Variants in SLC14A2 observed in about 807,000 individuals in gnomAD.
The protein encoded by SLC14A2 is urea transporter 2.
In SLC14A2, 91 loss-of-function variants were observed where a neutral mutation model predicts 104.6. The observed-to-expected ratio is 0.87, with a 90% CI of 0.73 to 1.04. The LOEUF (loss-of-function observed/expected upper bound fraction) is 1.04. Among genes scored for constraint, SLC14A2 ranks in the 50% least tolerant of loss-of-function variants. The probability of loss-of-function intolerance (pLI) is 0.00; values close to 1 mark genes in which losing one functional copy is unlikely to be tolerated. For missense variants in SLC14A2, 1,189 were observed against 1,156.0 expected (o/e 1.03, Z -0.41); for synonymous variants, 476 against 466.4 (o/e 1.02, Z -0.27).
chr18:45,213,181 C>T (rs2083976618), exon 1 of SLC14A2: 1 of 152,152 alleles, frequency 6.6e-6, no homozygotes, highest in South Asian at 2.1e-4. Flanking sequence ...GCCAACAGGA[C>T]CTGAATGACC....
At chr18:45,535,318 C>A (rs2043763238) in intron 2 of SLC14A2, among the ~76,000 whole-genome samples, 1 of 152,122 alleles carries the variant, frequency 6.6e-6, no homozygotes, top group African/African-American at 2.4e-5. Context: ...CTGAATGTGA[C>A]AAATAGAAAG....
rs146735623 is a variant in SLC14A2 at position 45,376,816 on chromosome 18, T to G, written c.-124-106417T>G. Among the ~76,000 whole-genome samples the G allele has an allele frequency of 1.2e-4, 18 of 152,348 alleles. No individual in the cohort carries two copies. In the East Asian group the frequency reaches 3.5e-3, roughly 29 times the overall value. On this transcript the variant is annotated intron_variant, in intron 1 of 20. Coordinates refer to the SLC14A2 transcript ENST00000586448. ...TGGAGCTGCAGATCTTGATTTCTGA[T>G]GGTTGATTCAATGGATACTTTATAA...
Position 45,375,607 on chromosome 18 carries a change from C to T in SLC14A2, c.-124-107626C>T, listed in dbSNP as rs200439244. On this transcript the variant is annotated intron_variant, in intron 1 of 20. Transcript: ENST00000586448. ...ATAAAACTCTGGTCTCCTGCACGGC[C>T]GGCTCTGCATGAATTATTCTTTCTC... Among the ~76,000 whole-genome samples the T allele has an allele frequency of 3.9e-5, 6 of 152,274 alleles. No homozygotes were observed. The East Asian group carries it at 9.7e-4, about 24-fold the overall frequency.
chr18:45,625,818 G>A lies in SLC14A2; in HGVS notation c.286G>A (p.Gly96Ser). 6.6e-7 allele frequency: 1 copy of A among 1,516,492 alleles called. No individual in the cohort carries two copies. Among genetic ancestry groups the A allele is most frequent in the South Asian group, 1.3e-5 (1 of 75,182 alleles). 93.9% of individuals were successfully genotyped at this position (1,516,492 alleles called of 1,614,324 possible). A position where few individuals can be genotyped will look rare whatever the true frequency, so the allele number is the denominator to read the frequency against. Residue 96 changes from glycine to serine, a missense_variant, in exon 3 of 20, where the codon GGC becomes AGC. Physicochemically the swap from Gly to Ser is moderately conservative, Grantham distance 56. Coordinates refer to ENST00000255226, the MANE Select transcript of SLC14A2 (RefSeq NM_007163.4). Reference protein sequence around the residue: ...QRCICLSKAVGYLTGDMKEYR... With the variant: ...QRCICLSKAVSYLTGDMKEYR... Reference sequence around the variant, plus strand: ...GTGCATCTGCCTCTCCAAAGCAGTGGGCTACCTCACGGGCGACATGAAGGA... The same window carrying A: ...GTGCATCTGCCTCTCCAAAGCAGTGAGCTACCTCACGGGCGACATGAAGGA...
In SLC14A2 at chr18:45,506,062, C is replaced by A. The variant is rs558064047; in HGVS notation, c.-35+22740C>A. Among the ~76,000 whole-genome samples the A allele has an allele frequency of 2.6e-5, 4 of 152,298 alleles. No individual in the cohort carries two copies. In the East Asian group the frequency reaches 7.7e-4, roughly 29 times the overall value. On this transcript the variant is annotated intron_variant, in intron 2 of 20. Coordinates refer to the SLC14A2 transcript ENST00000586448. ...TGCAAAGTGTCTGCTAGCCTCCCAG[C>A]AGGAGATTCTGCTTCCAGCTTCAAG...
At chr18:45,399,398 C>T (rs751198697) in intron 1 of SLC14A2, among the ~76,000 whole-genome samples, 1 of 152,142 alleles carries the variant, frequency 6.6e-6, no homozygotes, top group Non-Finnish European at 1.5e-5. Context: ...CCCTTGAAGC[C>T]ACTGCCACAC....
chr18:45,682,206 A>G, intron 19 of SLC14A2, 113 bp from the exon 20 acceptor site: 1 of 860,200 alleles, frequency 1.2e-6, no homozygotes, highest in South Asian at 1.4e-5. Flanking sequence ...TGAAGTATCA[A>G]TGCCCTCAAA....
At chr18:45,678,837 A>G (rs1332463861) in intron 18 of SLC14A2, 138 bp from the exon 19 acceptor site, 4 of 748,646 alleles carry the variant, frequency 5.3e-6, no homozygotes, top group Non-Finnish European at 8.3e-6. Context: ...AGCAATGGAA[A>G]CATAACTCAA....
intron 1 of SLC14A2, among the ~76,000 whole-genome samples, chr18:45,436,877 T>C (rs2032719): frequency 0.52 from 78,359 of 151,706 alleles, 20,700 homozygotes; most frequent in Admixed American, 0.66. Flanking sequence ...CATCAAAAGG[T>C]GGGTGCAAGG....
intron 1 of SLC14A2, among the ~76,000 whole-genome samples, chr18:45,418,255 G>A (rs1365874016): frequency 6.6e-6 from 1 of 152,184 alleles, no homozygotes; most frequent in African/African-American, 2.4e-5. Context: ...CACAAGCTTG[G>A]AGGGAGACGA....
chr18:45,205,214 G>C, the SLC14A2 span, among the ~76,000 whole-genome samples: 1 of 152,098 alleles, frequency 6.6e-6, no homozygotes, highest in Non-Finnish European at 1.5e-5. Flanking sequence ...ACAGGGCCAG[G>C]GATTAGTATC....
intron 10 of SLC14A2, among the ~76,000 whole-genome samples, chr18:45,655,010 G>C (rs1233254398): frequency 1.3e-5 from 2 of 152,192 alleles, no homozygotes; most frequent in Admixed American, 1.3e-4. Context: ...TTCCACGGAA[G>C]ATGCTTCTGC....
intron 1 of SLC14A2, among the ~76,000 whole-genome samples, chr18:45,288,644 A>T (rs999175454): frequency 6.6e-6 from 1 of 152,216 alleles, no homozygotes; most frequent in African/African-American, 2.4e-5. Flanking sequence ...GCCATTAGGG[A>T]GCTGCAGAAA....
At chr18:45,596,661 TA>T (rs1415994056) in intron 2 of SLC14A2, among the ~76,000 whole-genome samples, 1 of 152,246 alleles carries the variant, frequency 6.6e-6, no homozygotes, top group Non-Finnish European at 1.5e-5. Flanking sequence ...GCAGAATTTC[TA>T]TTTTCTCAAG....
chr18:45,349,592 G>A lies in SLC14A2; in HGVS notation c.-124-133641G>A, dbSNP rs188324248. ...AGACAGCAACAGTGGTCCCCATGTT[G>A]CACTGGGCAATTCAATTCTCACAGG... On this transcript the variant is annotated intron_variant, in intron 1 of 20. Coordinates refer to the SLC14A2 transcript ENST00000586448. Among the ~76,000 whole-genome samples, 562 of 152,300 alleles carry A rather than the reference G, an allele frequency of 3.7e-3. 13 individuals are homozygous for A. The highest frequency in any genetic ancestry group is 0.035 in the Admixed American group (541 of 15,300).
At chr18:45,455,224 A>G (rs1040794313) in intron 1 of SLC14A2, among the ~76,000 whole-genome samples, 41 of 152,226 alleles carry the variant, frequency 2.7e-4, no homozygotes, top group African/African-American at 9.9e-4. Context: ...TATTCACAAT[A>G]GCAAAGACTT....
intron 2 of SLC14A2, among the ~76,000 whole-genome samples, chr18:45,591,924 A>C (rs1489396045): frequency 6.6e-6 from 1 of 152,214 alleles, no homozygotes; most frequent in Non-Finnish European, 1.5e-5. Flanking sequence ...ACTGGTAGAC[A>C]TGGGGAAGCA....
chr18:45,377,188 T>TA (rs1281526910), intron 1 of SLC14A2, among the ~76,000 whole-genome samples: 1 of 152,108 alleles, frequency 6.6e-6, no homozygotes, highest in Non-Finnish European at 1.5e-5. Flanking sequence ...TAGTCTATAT[T>TA]AACCCTCAGC....
At chr18:45,502,994 A>C (rs997809475) in intron 2 of SLC14A2, among the ~76,000 whole-genome samples, 3 of 151,966 alleles carry the variant, frequency 2.0e-5, no homozygotes, top group African/African-American at 7.3e-5. Flanking sequence ...GAAATTTATC[A>C]CAAGAAGAAG....
Sources: allele counts gnomAD v4.1 joint callset (sites outside exome capture counted in the v4.1 genomes callset), GRCh38; gene constraint gnomAD v4.1.1; transcripts MANE v1.5; gene names NCBI Gene and HGNC (gene_info 2026-07-23, HGNC 2026-07-21).